UNKL: variants seen among roughly 807,000 people sequenced by gnomAD.
The protein encoded by UNKL is unk like zinc finger, also known as putative E3 ubiquitin-protein ligase UNKL.
UNKL carries 60 observed loss-of-function variants against 78.0 expected under a neutral mutation model. That is an observed-to-expected ratio of 0.77 (90% CI 0.63 to 0.95). UNKL has a LOEUF of 0.95. UNKL is among the 40% of genes least tolerant of loss of function. The pLI, the probability that UNKL is intolerant of heterozygous loss-of-function variation, is 0.00. For synonymous variants in UNKL, 608 were observed against 474.8 expected (o/e 1.28, Z -3.65); for missense variants, 1,159 against 1,045.7 (o/e 1.11, Z -1.49).
At position 1,365,672 on chromosome 16, in the gene UNKL, C is replaced by T. The variant is rs1221146797; in HGVS notation, c.*568G>A. 1 of 152,528 alleles carries T rather than the reference C, an allele frequency of 6.6e-6. No homozygotes were observed. Among genetic ancestry groups the T allele is most frequent in the East Asian group, 1.9e-4 (1 of 5,206 alleles). 9.4% of individuals were successfully genotyped at this position (152,528 alleles called of 1,614,324 possible). Reference sequence around the variant, plus strand: ...CTTACTACTAGATAAACACTCATTTCATAAGTACTAGTTTCAGAATATGAA... The same window carrying T: ...CTTACTACTAGATAAACACTCATTTTATAAGTACTAGTTTCAGAATATGAA... On this transcript the variant is annotated 3_prime_UTR_variant, in exon 15 of 15. Coordinates refer to ENST00000389221, the MANE Select transcript of UNKL (RefSeq NM_001372107.1).
chr16:1,405,073 G>C (rs2037689413), intron 2 of UNKL, among the ~76,000 whole-genome samples: 1 of 151,936 alleles, frequency 6.6e-6, no homozygotes, highest in African/African-American at 2.4e-5. Context: ...GGACACCTGT[G>C]GTCCCAGCTA....
rs1022797463 is a variant in UNKL, at chr16:1,382,362, G to T, written c.1264+2846C>A. Among the ~76,000 whole-genome samples, 3 of 152,368 alleles carry T rather than the reference G, an allele frequency of 2.0e-5. No individual in the cohort carries two copies. The East Asian group carries it at 5.8e-4, about 29-fold the overall frequency. ...AAACCAGGTGAGCCCTCCATGGCAA[G>T]GCAGAAATGAGGAGCCCTTCCCTGG... On this transcript the variant is annotated intron_variant, in intron 10 of 14. Transcript: ENST00000389221.
intron 2 of UNKL, chr16:1,407,258 G>A (rs1422658924): frequency 6.6e-6 from 1 of 152,248 alleles, no homozygotes; most frequent in Non-Finnish European, 1.5e-5. Context: ...CCTCCCACCA[G>A]TTACTCACAG....
At chr16:1,367,050 G>A (rs1486201449) in intron 14 of UNKL, 42 bp downstream of exon 14, 2 of 1,479,022 alleles carry the variant, frequency 1.4e-6, no homozygotes, top group Admixed American at 2.2e-5. Context: ...CAGCAGCCCT[G>A]CAGGCAGGCT....
intron 10 of UNKL, among the ~76,000 whole-genome samples, chr16:1,374,620 C>A (rs1038633796): frequency 1.3e-5 from 2 of 152,108 alleles, no homozygotes; most frequent in Admixed American, 1.3e-4. Context: ...CACTGCCCCA[C>A]CTACCCGACA....
Position 1,364,429 on chromosome 16 carries a change from AAC to A in UNKL, c.*1809_*1810del, listed in dbSNP as rs2035069616. 1.3e-5 allele frequency: 2 copies of A among 152,368 alleles called. No individual in the cohort carries two copies. The highest frequency in any genetic ancestry group is 2.4e-5 in the African/African-American group (1 of 41,580). 9.4% of individuals were successfully genotyped at this position (152,368 alleles called of 1,614,324 possible). On this transcript the variant is annotated 3_prime_UTR_variant, in exon 15 of 15. Coordinates refer to ENST00000389221, the MANE Select transcript of UNKL (RefSeq NM_001372107.1). ...TTTGGCAAAGCCACGGTCGGGGAGA[AAC>A]ACGTCGGTGCCGCTTCCCACTCGTG...
At chr16:1,406,253 C>G (rs1358004201) in intron 2 of UNKL, among the ~76,000 whole-genome samples, 2 of 150,554 alleles carry the variant, frequency 1.3e-5, no homozygotes, top group Non-Finnish European at 2.9e-5. Flanking sequence ...CTCACTGTTG[C>G]CCAGGCCGGA....
chr16:1,401,453 C>A, intron 4 of UNKL, 115 bp downstream of exon 4: 3 of 1,281,300 alleles, frequency 2.3e-6, no homozygotes, highest in Non-Finnish European at 3.0e-6. Context: ...CTCGGTTTCC[C>A]CATCTGATCA....
At position 1,367,678 on chromosome 16, in the gene UNKL, T is replaced by C. The variant is rs1380116554; in HGVS notation, c.1766A>G (p.Glu589Gly). 2.5e-6 allele frequency: 4 copies of C among 1,571,540 alleles called. No individual in the cohort carries two copies. The highest frequency in any genetic ancestry group is 3.4e-6 in the Non-Finnish European group (4 of 1,160,068). Residue 589 changes from glutamate to glycine, a missense_variant, in exon 13 of 15, where the codon GAG becomes GGG. Transcript: ENST00000389221. ...CACCTGCTTCACCTGCTGCCAGGAC[T>C]CCTCCCACTGCCGGATCTTCCTCTT... ...EAKRKIRQWEESWQQVKQVCD... is the reference protein window; with the variant it reads ...EAKRKIRQWEGSWQQVKQVCD...
intron 10 of UNKL, among the ~76,000 whole-genome samples, chr16:1,377,398 C>T (rs927047232): frequency 1.3e-5 from 2 of 152,056 alleles, no homozygotes; most frequent in African/African-American, 4.8e-5. Flanking sequence ...TGGTCCTGCC[C>T]GTCCTCCCCA....
chr16:1,398,689 A>ACCCCCCC, intron 5 of UNKL: 1 of 405,304 alleles, frequency 2.5e-6, no homozygotes, highest in Non-Finnish European at 3.7e-6. Flanking sequence ...GCACCCCCCC[A>ACCCCCCC]CCCCCCTCTC....
Position 1,371,541 on chromosome 16 carries a change from G to T in UNKL, c.1335C>A (p.Asp445Glu). 1 of 1,536,208 alleles carries T rather than the reference G, an allele frequency of 6.5e-7. No homozygotes were observed. The highest frequency in any genetic ancestry group is 1.4e-5 in the African/African-American group (1 of 73,170). Residue 445 changes from aspartate to glutamate, a missense_variant, in exon 11 of 15, where the codon GAC becomes GAA. Transcript: ENST00000389221. Reference protein sequence around the residue: ...ASLEKDLEEQDGHDLGAAGPR... With the variant: ...ASLEKDLEEQEGHDLGAAGPR... ...CACCTGCTGCTCCCAGGTCGTGGCC[G>T]TCTTGCTCTTCCAGGTCCTTCTCTA... is the stretch of plus-strand genomic sequence containing the variant.
chr16:1,403,164 T>C lies in UNKL; in HGVS notation c.464+4A>G. The C allele has an allele frequency of 6.2e-7, 1 of 1,608,206 alleles. No individual in the cohort carries two copies. Among genetic ancestry groups the C allele is most frequent in the Non-Finnish European group, 8.5e-7 (1 of 1,177,178 alleles). ...CAAGTGCCCACTCGTGGATGCCCAC[T>C]CACCTGACGTCACACACGGGCGGCC... is the stretch of plus-strand genomic sequence containing the variant. On this transcript the variant is annotated splice_donor_region_variant and intron_variant, in intron 3 of 14. Coordinates refer to ENST00000389221, the MANE Select transcript of UNKL (RefSeq NM_001372107.1). The surrounding 1 kb of genome is among the most constrained non-coding windows in gnomAD (Gnocchi z 4.8).
intron 8 of UNKL, among the ~76,000 whole-genome samples, chr16:1,392,130 G>A (rs1177388986): frequency 5.9e-5 from 9 of 152,196 alleles, no homozygotes; most frequent in Non-Finnish European, 5.9e-5. Context: ...AGAGGCTCAG[G>A]TGAAACTGTT....
chr16:1,410,697 T>G (rs529889801), intron 2 of UNKL, among the ~76,000 whole-genome samples: 1 of 152,198 alleles, frequency 6.6e-6, no homozygotes, highest in South Asian at 2.1e-4. Flanking sequence ...TAAGCAGCAG[T>G]GGCCCTACTT....
At chr16:1,366,448 A>G in intron 14 of UNKL, 53 bp from the exon 15 acceptor site, 1 of 1,496,034 alleles carries the variant, frequency 6.7e-7, no homozygotes, top group South Asian at 1.3e-5. Context: ...AGGCTGGGCC[A>G]GCTGGGGAGC....
At chr16:1,368,251 G>A (rs2035472453) in intron 12 of UNKL, 1 of 244,480 alleles carries the variant, frequency 4.1e-6, no homozygotes, top group Non-Finnish European at 7.9e-6. Flanking sequence ...TGTCCATGTG[G>A]TGACTGCCAA....
At chr16:1,389,352 A>G (rs2036951372) in intron 9 of UNKL, among the ~76,000 whole-genome samples, 1 of 152,170 alleles carries the variant, frequency 6.6e-6, no homozygotes, top group African/African-American at 2.4e-5. Flanking sequence ...TTGGGAGGTC[A>G]AAGCAGGAGG....
intron 10 of UNKL, among the ~76,000 whole-genome samples, chr16:1,378,626 C>T (rs1395726540): frequency 6.6e-6 from 1 of 152,196 alleles, no homozygotes; most frequent in Non-Finnish European, 1.5e-5. Flanking sequence ...GGCTCGCACT[C>T]AACTCAGAGG....
Sources: gnomAD v4.1 joint callset for allele counts (sites outside exome capture counted in the v4.1 genomes callset) on GRCh38, gnomAD v4.1.1 for gene constraint, Gnocchi (gnomAD v3.1) non-coding constraint, MANE v1.5 for transcripts, NCBI Gene and HGNC (gene_info 2026-07-23, HGNC 2026-07-21) for gene names.